The following MAST4 variants were observed in gnomAD, a reference collection of about 807,000 sequenced individuals.
MAST4 encodes the protein microtubule-associated serine/threonine-protein kinase 4.
A neutral mutation model predicts 162.7 loss-of-function variants in MAST4; 89 were observed. That is an observed-to-expected ratio of 0.55 (90% CI 0.46 to 0.65). The LOEUF (loss-of-function observed/expected upper bound fraction) is 0.65, where lower values mean the gene tolerates loss of function less well. Ranked by LOEUF, MAST4 falls within the 30% of genes least tolerant of loss-of-function variation. The pLI, the probability that MAST4 is intolerant of heterozygous loss-of-function variation, is 0.00. For missense variants in MAST4, 3,153 were observed against 3,374.0 expected (o/e 0.93, Z 1.62); for synonymous variants, 1,479 against 1,361.1 (o/e 1.09, Z -1.91).
intron 3 of MAST4, among the ~76,000 whole-genome samples, chr5:66,810,499 C>T (rs1253142871): frequency 2.0e-5 from 3 of 152,124 alleles, no homozygotes; most frequent in Non-Finnish European, 2.9e-5. Flanking sequence ...ACCCATATTC[C>T]ATTGTCTGGA....
At chr5:67,005,624 A>T (rs1176903616) in intron 4 of MAST4, among the ~76,000 whole-genome samples, 1 of 152,224 alleles carries the variant, frequency 6.6e-6, no homozygotes. Context: ...TTTATTACTA[A>T]TACAGGAGTG....
intron 1 of MAST4, among the ~76,000 whole-genome samples, chr5:66,741,081 A>G (rs191115567): frequency 6.6e-5 from 10 of 152,234 alleles, no homozygotes; most frequent in African/African-American, 2.4e-4. Flanking sequence ...TTTTTCTCAA[A>G]CATACTGAAT....
At chr5:66,694,984 T>G (rs971971443) in intron 1 of MAST4, among the ~76,000 whole-genome samples, 1 of 152,218 alleles carries the variant, frequency 6.6e-6, no homozygotes, top group Non-Finnish European at 1.5e-5. Flanking sequence ...TTCACTCTGA[T>G]GATAGTTTCT....
At chr5:66,656,217 C>T (rs546772300) in intron 1 of MAST4, among the ~76,000 whole-genome samples, 1 of 152,314 alleles carries the variant, frequency 6.6e-6, no homozygotes, top group East Asian at 1.9e-4. Context: ...AATGGACTGA[C>T]CACTGCATGT....
At chr5:66,687,477 T>TACATTCCATA (rs1748738282) in intron 1 of MAST4, among the ~76,000 whole-genome samples, 1 of 151,118 alleles carries the variant, frequency 6.6e-6, no homozygotes, top group African/African-American at 2.5e-5. Context: ...CATGTATATA[T>TACATTCCATA]GTATACATAC....
chr5:66,825,785 G>T (rs1263797782), intron 3 of MAST4, among the ~76,000 whole-genome samples: 1 of 151,996 alleles, frequency 6.6e-6, no homozygotes, highest in East Asian at 1.9e-4. Flanking sequence ...ATACTGCAAA[G>T]CCCCTGGCTT....
chr5:66,756,038 C>G (rs907875967), intron 1 of MAST4, among the ~76,000 whole-genome samples: 1 of 152,156 alleles, frequency 6.6e-6, no homozygotes, highest in Non-Finnish European at 1.5e-5. Context: ...TTCAATTCTG[C>G]CTCACACTTC....
chr5:66,955,464 G>A (rs1745201129), intron 4 of MAST4, among the ~76,000 whole-genome samples: 3 of 152,088 alleles, frequency 2.0e-5, no homozygotes, highest in African/African-American at 7.2e-5. Flanking sequence ...ATACCATATG[G>A]AGCTTTAGAG....
intron 4 of MAST4, among the ~76,000 whole-genome samples, chr5:66,935,704 G>T (rs1297630907): frequency 6.8e-6 from 1 of 147,326 alleles, no homozygotes; most frequent in African/African-American, 2.5e-5. Flanking sequence ...GTCTCGCTCT[G>T]TTGCCCAGGC....
intron 4 of MAST4, among the ~76,000 whole-genome samples, chr5:67,003,105 A>G (rs1482958770): frequency 6.6e-6 from 1 of 151,836 alleles, no homozygotes; most frequent in African/African-American, 2.4e-5. Context: ...CCTTCAAAAC[A>G]TCTTTTGCAA....
At chr5:67,065,745 C>G (rs1581413239) in intron 5 of MAST4, among the ~76,000 whole-genome samples, 1 of 152,244 alleles carries the variant, frequency 6.6e-6, no homozygotes, top group East Asian at 1.9e-4. Flanking sequence ...TGAACTTATT[C>G]ATTCTGGCAT....
rs187433760 is a variant in MAST4 at position 66,649,312 on chromosome 5, A to G, written c.363+52294A>G. ...ATAAAGCATCAAATGAGAGGTGAGA[A>G]AAATTGTGTAATCAGTGCCTGAACA... On this transcript the variant is annotated intron_variant, in intron 1 of 28. Coordinates refer to ENST00000403625, the MANE Select transcript of MAST4 (RefSeq NM_001164664.2). 3.2e-3 allele frequency among the ~76,000 whole-genome samples: 485 copies of G among 152,302 alleles called. 1 individual carries two copies. Among genetic ancestry groups the G allele is most frequent in the Non-Finnish European group, 4.4e-3 (299 of 68,000 alleles).
At chr5:66,843,838 T>C (rs925651491) in intron 3 of MAST4, among the ~76,000 whole-genome samples, 5 of 152,152 alleles carry the variant, frequency 3.3e-5, no homozygotes, top group African/African-American at 1.2e-4. Context: ...CGGCTCATAC[T>C]TGGAGCACAA....
intron 1 of MAST4, among the ~76,000 whole-genome samples, chr5:66,690,034 G>C (rs1748936653): frequency 6.6e-6 from 1 of 152,104 alleles, no homozygotes; most frequent in African/African-American, 2.4e-5. Context: ...CCTTTCAGTT[G>C]CATTAATCAC....
intron 1 of MAST4, among the ~76,000 whole-genome samples, chr5:66,614,269 A>C (rs1220722297): frequency 6.6e-6 from 1 of 152,136 alleles, no homozygotes; most frequent in Non-Finnish European, 1.5e-5. Flanking sequence ...CACTACTTCA[A>C]AGATTCTCTG....
chr5:67,088,600 TG>T (rs1223478401), intron 5 of MAST4, among the ~76,000 whole-genome samples: 1 of 152,154 alleles, frequency 6.6e-6, no homozygotes, highest in African/African-American at 2.4e-5. Context: ...TGAGAGAAGT[TG>T]AAAGAACTTA....
At chr5:66,999,224 G>C (rs1751009093) in intron 4 of MAST4, among the ~76,000 whole-genome samples, 1 of 152,190 alleles carries the variant, frequency 6.6e-6, no homozygotes, top group Admixed American at 6.5e-5. Flanking sequence ...CTCCCACGGG[G>C]TGGAACTCTG....
intron 3 of MAST4, among the ~76,000 whole-genome samples, chr5:66,882,874 C>A (rs142405371): frequency 2.0e-5 from 3 of 152,016 alleles, no homozygotes; most frequent in Non-Finnish European, 4.4e-5. Flanking sequence ...CAGTTTCTAC[C>A]GAGATTTAAA....
intron 1 of MAST4, among the ~76,000 whole-genome samples, chr5:66,641,546 G>T (rs1275254194): frequency 6.6e-6 from 1 of 152,190 alleles, no homozygotes; most frequent in Admixed American, 6.5e-5. Context: ...AGCATCCCTA[G>T]TGCTCAGATT....
Sources: gnomAD v4.1 joint callset for allele counts (sites outside exome capture counted in the v4.1 genomes callset) on GRCh38, gnomAD v4.1.1 for gene constraint, MANE v1.5 for transcripts, NCBI Gene and HGNC (gene_info 2026-07-23, HGNC 2026-07-21) for gene names.